Variants in DCPH1 observed in about 807,000 individuals in gnomAD.
The protein encoded by DCPH1 is damage control phosphatase 1.
At chr6:151,460,716 G>A in the DCPH1 span, among the ~76,000 whole-genome samples, 3 of 151,826 alleles carry the variant, frequency 2.0e-5, no homozygotes, top group Admixed American at 6.6e-5. Context: ...CCCAGGAGGC[G>A]GAGGTTGCAG....
At chr6:151,463,350 A>T in the DCPH1 span, among the ~76,000 whole-genome samples, 2 of 151,672 alleles carry the variant, frequency 1.3e-5, no homozygotes, top group African/African-American at 2.4e-5. Flanking sequence ...ATTTTTGATT[A>T]AAAAAAAAGT....
chr6:151,456,818 A>C, the DCPH1 span, among the ~76,000 whole-genome samples: 1 of 152,184 alleles, frequency 6.6e-6, no homozygotes, highest in Non-Finnish European at 1.5e-5. Context: ...GCCTGGCCCC[A>C]TAATGCTTTT....
At chr6:151,461,226 G>A in the DCPH1 span, among the ~76,000 whole-genome samples, 3 of 152,226 alleles carry the variant, frequency 2.0e-5, no homozygotes, top group Non-Finnish European at 4.4e-5. Flanking sequence ...GGTTGGTGGA[G>A]TTTGTGTGTT....
At chr6:151,454,827 A>G in the DCPH1 span, among the ~76,000 whole-genome samples, 1 of 152,272 alleles carries the variant, frequency 6.6e-6, no homozygotes, top group African/African-American at 2.4e-5. Flanking sequence ...TCTTCAATTT[A>G]GAAAATGATT....
At chr6:151,457,643 A>C in the DCPH1 span, among the ~76,000 whole-genome samples, 1 of 152,200 alleles carries the variant, frequency 6.6e-6, no homozygotes, top group Non-Finnish European at 1.5e-5. Context: ...AAAATTACAG[A>C]TCTGAAAGTA....
the DCPH1 span, among the ~76,000 whole-genome samples, chr6:151,465,385 C>T: frequency 6.6e-6 from 1 of 151,886 alleles, no homozygotes; most frequent in Admixed American, 6.6e-5. Context: ...AGGAAAAGGG[C>T]GTTGGGAATG....
At chr6:151,463,580 G>A in the DCPH1 span, among the ~76,000 whole-genome samples, 2 of 152,140 alleles carry the variant, frequency 1.3e-5, no homozygotes, top group African/African-American at 4.8e-5. Context: ...GCTTCCCGAG[G>A]TGACTGACTG....
chr6:151,460,658 C>T, the DCPH1 span, among the ~76,000 whole-genome samples: 1 of 151,730 alleles, frequency 6.6e-6, no homozygotes, highest in Non-Finnish European at 1.5e-5. Context: ...GTGGTGCGCA[C>T]CTGTAGTCCC....
At chr6:151,458,097 C>T in the DCPH1 span, among the ~76,000 whole-genome samples, 4 of 151,862 alleles carry the variant, frequency 2.6e-5, no homozygotes, top group Non-Finnish European at 5.9e-5. Context: ...GTCATCCCAC[C>T]GAAGATACAG....
At chr6:151,469,041 C>T in the DCPH1 span, 2 of 1,614,106 alleles carry the variant, frequency 1.2e-6, no homozygotes, top group East Asian at 2.2e-5. Context: ...GGGAACAGCT[C>T]CTGGCCTCTG....
chr6:151,458,671 G>A, the DCPH1 span: 1 of 1,021,052 alleles, frequency 9.8e-7, no homozygotes, highest in Non-Finnish European at 1.4e-6. Flanking sequence ...GTGGAAGCTT[G>A]AATTTGGTTG....
chr6:151,455,671 A>G, the DCPH1 span, among the ~76,000 whole-genome samples: 1 of 152,064 alleles, frequency 6.6e-6, no homozygotes, highest in East Asian at 1.9e-4. Flanking sequence ...TTGCCCAGGG[A>G]CGGGCAGGAG....
chr6:151,458,075 T>C, the DCPH1 span, among the ~76,000 whole-genome samples: 1 of 152,182 alleles, frequency 6.6e-6, no homozygotes, highest in Non-Finnish European at 1.5e-5. Context: ...TTCCTTTCCC[T>C]CTGTGGTAAT....
chr6:151,452,975 A>G, the DCPH1 span, among the ~76,000 whole-genome samples: 1 of 152,244 alleles, frequency 6.6e-6, no homozygotes, highest in Non-Finnish European at 1.5e-5. Context: ...ATCTCACAGT[A>G]AGAACTGTCT....
At chr6:151,468,751 A>C in the DCPH1 span, 1 of 1,614,238 alleles carries the variant, frequency 6.2e-7, no homozygotes, top group Non-Finnish European at 8.5e-7. Flanking sequence ...GGAAGAGTAT[A>C]TTAAAATGGG....
chr6:151,460,927 C>T, the DCPH1 span, among the ~76,000 whole-genome samples: 1 of 152,298 alleles, frequency 6.6e-6, no homozygotes, highest in East Asian at 1.9e-4. Context: ...GAAATGTAGG[C>T]GTTGTTATGG....
the DCPH1 span, chr6:151,468,270 C>A: frequency 1.0e-6 from 1 of 971,014 alleles, no homozygotes; most frequent in African/African-American, 1.6e-5. Context: ...AATGTCCCCC[C>A]ATCCCGCTAC....
chr6:151,462,099 TA>T, the DCPH1 span, among the ~76,000 whole-genome samples: 1 of 152,198 alleles, frequency 6.6e-6, no homozygotes, highest in East Asian at 1.9e-4. Context: ...CAGTCTAAAT[TA>T]AGATTCAAAG....
chr6:151,457,687 A>T, the DCPH1 span, among the ~76,000 whole-genome samples: 218 of 152,336 alleles, frequency 1.4e-3, no homozygotes, highest in Non-Finnish European at 2.3e-3. Flanking sequence ...AAATGATCTT[A>T]TAAAAATACT....
Sources: allele counts gnomAD v4.1 joint callset (sites outside exome capture counted in the v4.1 genomes callset), GRCh38; gene constraint gnomAD v4.1.1; transcripts MANE v1.5; gene names NCBI Gene and HGNC (gene_info 2026-07-23, HGNC 2026-07-21).